GTF2IRD1: variants seen among roughly 807,000 people sequenced by gnomAD.
GTF2IRD1 encodes GTF2I repeat domain containing 1, also known as general transcription factor II-I repeat domain-containing protein 1.
A neutral mutation model predicts 113.2 loss-of-function variants in GTF2IRD1; 26 were observed. The ratio of observed to expected loss-of-function variants is 0.23; its 90% CI spans 0.17 to 0.32. The LOEUF is 0.32. GTF2IRD1 is among the 10% of genes least tolerant of loss of function. GTF2IRD1 has a pLI of 1.00. For synonymous variants in GTF2IRD1, 484 were observed against 529.1 expected, an observed-to-expected ratio of 0.91 and a Z score of 1.17; for missense variants, 864 against 1,280.8, an observed-to-expected ratio of 0.67 and a Z score of 4.97.
rs587712888 is a variant in GTF2IRD1, at chr7:74,566,059, T to C, written c.2320+6404T>C. Among the ~76,000 whole-genome samples the C allele has an allele frequency of 2.6e-5, 4 of 151,226 alleles. No homozygotes were observed. The South Asian group carries it at 8.3e-4, about 31-fold the overall frequency. On this transcript the variant is annotated intron_variant, in intron 22 of 26. Coordinates refer to ENST00000424337, the MANE Select transcript of GTF2IRD1 (RefSeq NM_005685.4). The stretch of plus-strand genomic sequence containing the variant: ...CACACCCTAAAGAGAAATGCAAATA[T>C]ATGCCCATGGTAGAAATTTGGAAAA...
chr7:74,537,528 C>T lies in GTF2IRD1; in HGVS notation c.1410-608C>T, dbSNP rs1798371152. On this transcript the variant is annotated intron_variant, in intron 11 of 26. Transcript: ENST00000424337. The stretch of plus-strand genomic sequence containing the variant: ...GCATACATACATACCAACACCAGGT[C>T]TGATGCCTGTCCTGAGTGCCCACCA... Among the ~76,000 whole-genome samples the T allele has an allele frequency of 5.3e-5, 8 of 152,284 alleles. 2 individuals are homozygous for T. In the South Asian group the frequency reaches 1.7e-3, roughly 32 times the overall value.
intron 1 of GTF2IRD1, among the ~76,000 whole-genome samples, chr7:74,471,693 A>AC (rs1794109355): frequency 1.2e-5 from 1 of 82,568 alleles, no homozygotes; most frequent in African/African-American, 3.8e-5. Context: ...AAAAAAACAA[A>AC]AAAAAAAACA....
intron 22 of GTF2IRD1, among the ~76,000 whole-genome samples, chr7:74,573,532 G>A (rs1006988605): frequency 3.9e-5 from 6 of 151,974 alleles, no homozygotes; most frequent in African/African-American, 1.5e-4. Context: ...TTTCCCCAGC[G>A]AAGACCACCC....
intron 1 of GTF2IRD1, among the ~76,000 whole-genome samples, chr7:74,502,353 GGTCAGAACCAGCTA>G (rs1421490573): frequency 1.8e-4 from 27 of 152,264 alleles, no homozygotes; most frequent in African/African-American, 6.0e-4. Flanking sequence ...GGGGTAAATC[GGTCAGAACCAGCTA>G]GTGGGAACAA....
chr7:74,469,947 T>C (rs537006972), intron 1 of GTF2IRD1, among the ~76,000 whole-genome samples: 1 of 152,224 alleles, frequency 6.6e-6, no homozygotes, highest in Admixed American at 6.5e-5. Context: ...ATAAAAATTA[T>C]CATATTCTTT....
chr7:74,528,985 G>GGATA (rs1554347996), intron 8 of GTF2IRD1, among the ~76,000 whole-genome samples: 15 of 148,812 alleles, frequency 1.0e-4, no homozygotes, highest in African/African-American at 3.1e-4. Flanking sequence ...ATGGATGGAT[G>GGATA]GATAGACGGA....
At chr7:74,601,551 T>TC in intron 26 of GTF2IRD1, 1 of 1,173,158 alleles carries the variant, frequency 8.5e-7, no homozygotes, top group Non-Finnish European at 1.1e-6. Flanking sequence ...GTCGGGTGGA[T>TC]CACCTGAGGT....
chr7:74,475,430 C>T (rs957706117), intron 1 of GTF2IRD1, among the ~76,000 whole-genome samples: 5 of 152,168 alleles, frequency 3.3e-5, no homozygotes, highest in Non-Finnish European at 5.9e-5. Flanking sequence ...CACAGCCACT[C>T]GAGGCTGAGC....
At chr7:74,528,174 G>C (rs1554347618) in intron 8 of GTF2IRD1, among the ~76,000 whole-genome samples, 1 of 152,172 alleles carries the variant, frequency 6.6e-6, no homozygotes. Context: ...CTTAGTGTGT[G>C]CCCAGCCCCA....
chr7:74,471,190 A>G (rs1794060716), intron 1 of GTF2IRD1, among the ~76,000 whole-genome samples: 1 of 152,144 alleles, frequency 6.6e-6, no homozygotes, highest in African/African-American at 2.4e-5. Flanking sequence ...GGGGAGATGG[A>G]ACTGAAATGC....
chr7:74,601,406 T>C, intron 26 of GTF2IRD1: 3 of 1,490,254 alleles, frequency 2.0e-6, no homozygotes, highest in Non-Finnish European at 2.7e-6. Flanking sequence ...GGAATTCACA[T>C]CCTCGCTGGG....
chr7:74,548,113 G>A (rs1276430301), intron 17 of GTF2IRD1, among the ~76,000 whole-genome samples: 2 of 152,152 alleles, frequency 1.3e-5, no homozygotes, highest in Non-Finnish European at 2.9e-5. Flanking sequence ...TGTGTGCCCA[G>A]CTGGGATAAA....
chr7:74,509,660 AGTTTTGTTTT>A (rs532414856), intron 2 of GTF2IRD1, among the ~76,000 whole-genome samples: 8 of 145,400 alleles, frequency 5.5e-5, no homozygotes, highest in African/African-American at 1.1e-4. Context: ...CAGCATGACC[AGTTTTGTTTT>A]GTTTTGTTTT....
chr7:74,482,245 T>C (rs1041622672), intron 1 of GTF2IRD1, among the ~76,000 whole-genome samples: 92 of 144,220 alleles, frequency 6.4e-4, no homozygotes, highest in African/African-American at 2.6e-3. Flanking sequence ...TTTTTTTTTT[T>C]TGAGACGGGC....
At chr7:74,520,842 C>CTATTATTATTATTATTAT (rs200488760) in intron 6 of GTF2IRD1, among the ~76,000 whole-genome samples, 2 of 129,110 alleles carry the variant, frequency 1.5e-5, no homozygotes, top group African/African-American at 2.9e-5. Context: ...GTTATATATA[C>CTATTATTATTATTATTAT]TATTATTATT....
intron 3 of GTF2IRD1, among the ~76,000 whole-genome samples, chr7:74,515,056 CAAAAAAAAAA>C (rs782246030): frequency 1.5e-5 from 1 of 66,796 alleles, no homozygotes; most frequent in Non-Finnish European, 2.9e-5. Flanking sequence ...GACTCTGTCT[CAAAAAAAAAA>C]AAAAAAAAAA....
At chr7:74,466,806 C>T (rs898040127) in intron 1 of GTF2IRD1, among the ~76,000 whole-genome samples, 1 of 152,110 alleles carries the variant, frequency 6.6e-6, no homozygotes, top group Non-Finnish European at 1.5e-5. Context: ...GTCACGGCCC[C>T]ATCATCATGT....
intron 22 of GTF2IRD1, among the ~76,000 whole-genome samples, chr7:74,565,686 G>T (rs1800258756): frequency 1.3e-5 from 2 of 151,462 alleles, no homozygotes; most frequent in Admixed American, 1.3e-4. Flanking sequence ...AAACCTAAAG[G>T]GGGTCGGGCA....
At chr7:74,566,373 C>T (rs1292562965) in intron 22 of GTF2IRD1, among the ~76,000 whole-genome samples, 1 of 143,466 alleles carries the variant, frequency 7.0e-6, no homozygotes, top group Non-Finnish European at 1.5e-5. Context: ...GACGGAGTCT[C>T]GCTCTGTCCC....
Sources: gnomAD v4.1 joint callset for allele counts (sites outside exome capture counted in the v4.1 genomes callset) on GRCh38, gnomAD v4.1.1 for gene constraint, MANE v1.5 for transcripts, NCBI Gene and HGNC (gene_info 2026-07-23, HGNC 2026-07-21) for gene names.